The following KIF3A variants were observed in gnomAD, a reference collection of about 807,000 sequenced individuals.
KIF3A encodes kinesin family member 3A, also known as kinesin-like protein KIF3A.
A neutral mutation model predicts 92.6 loss-of-function variants in KIF3A; 27 were observed. The observed-to-expected ratio is 0.29, with a 90% CI of 0.21 to 0.40. The LOEUF (loss-of-function observed/expected upper bound fraction) is 0.40. KIF3A is among the 10% of genes least tolerant of loss of function. The probability of loss-of-function intolerance (pLI) is 1.00; values close to 1 mark genes in which losing one functional copy is unlikely to be tolerated. For missense variants in KIF3A, 581 were observed against 872.6 expected (o/e 0.67, Z 4.21); for synonymous variants, 250 against 275.4 (o/e 0.91, Z 0.92).
At chr5:132,706,390 A>C (rs1753211077) in intron 11 of KIF3A, 61 bp downstream of exon 11, 1 of 1,260,764 alleles carries the variant, frequency 7.9e-7, no homozygotes, top group Non-Finnish European at 1.1e-6. Context: ...GTATTTAAAT[A>C]ACATAGTTCT....
intron 12 of KIF3A, 97 bp downstream of exon 12, chr5:132,703,366 C>G (rs1433120711): frequency 1.1e-5 from 12 of 1,082,494 alleles, no homozygotes; most frequent in Non-Finnish European, 1.6e-5. Flanking sequence ...AGACAAAAAT[C>G]CAAGCTTTTA....
chr5:132,718,708 C>T (rs28378974), intron 5 of KIF3A, among the ~76,000 whole-genome samples: 3,845 of 152,224 alleles, frequency 0.025, 154 homozygotes, highest in African/African-American at 0.088. Context: ...CTCACTGCAA[C>T]CTCTGCCTCC....
chr5:132,700,996 T>G (rs543881319), intron 15 of KIF3A, among the ~76,000 whole-genome samples: 1 of 152,072 alleles, frequency 6.6e-6, no homozygotes, highest in African/African-American at 2.4e-5. Context: ...TGGTTAGAAG[T>G]AGTTATTATC....
intron 15 of KIF3A, among the ~76,000 whole-genome samples, chr5:132,701,067 C>T (rs1753019167): frequency 6.6e-6 from 1 of 151,570 alleles, no homozygotes; most frequent in African/African-American, 2.4e-5. Context: ...TAAAAGCAGG[C>T]CATCCAAGGA....
chr5:132,703,429 A>T (rs1753109932), intron 12 of KIF3A, 34 bp downstream of exon 12: 1 of 1,530,458 alleles, frequency 6.5e-7, no homozygotes, highest in South Asian at 1.2e-5. Flanking sequence ...CAGAAATTTA[A>T]ATCATGAATT....
At chr5:132,698,305 T>A (rs1752906466) in intron 18 of KIF3A, among the ~76,000 whole-genome samples, 1 of 151,970 alleles carries the variant, frequency 6.6e-6, no homozygotes, top group Non-Finnish European at 1.5e-5. Flanking sequence ...GAACAGTCCT[T>A]GATGTAGGAA....
chr5:132,715,797 G>A lies in KIF3A; in HGVS notation c.1089C>T (p.Phe363=), dbSNP rs757441407. ...EDPKDALLRQ[F]QKEIEELKKK... Reference sequence around the variant, plus strand: ...TTTTCAGTTCTTCTATTTCTTTCTGGAACTGACGCAGCAAAGCATCCTTTG... The same window carrying A: ...TTTTCAGTTCTTCTATTTCTTTCTGAAACTGACGCAGCAAAGCATCCTTTG... The change falls in exon 8 of 19, where the codon TTC becomes TTT. Residue 363 remains phenylalanine, a synonymous_variant. Coordinates refer to ENST00000403231, the MANE Select transcript of KIF3A (RefSeq NM_001300791.2). 3.1e-6 allele frequency: 5 copies of A among 1,609,888 alleles called. No individual in the cohort carries two copies. In the South Asian group the frequency reaches 5.6e-5, roughly 18 times the overall value.
At chr5:132,711,794 A>G (rs894807223) in intron 8 of KIF3A, among the ~76,000 whole-genome samples, 1 of 152,192 alleles carries the variant, frequency 6.6e-6, no homozygotes, top group Non-Finnish European at 1.5e-5. Flanking sequence ...GTCATGTAAC[A>G]ATGATCCCAC....
chr5:132,706,062 T>C (rs2149897722), intron 11 of KIF3A, among the ~76,000 whole-genome samples: 4 of 152,176 alleles, frequency 2.6e-5, no homozygotes, highest in Admixed American at 2.6e-4. Flanking sequence ...CTCTAACCAA[T>C]ATTGTGAACG....
chr5:132,737,361 G>A (rs1305515525), intron 1 of KIF3A, 53 bp downstream of exon 1: 2 of 1,579,326 alleles, frequency 1.3e-6, no homozygotes, highest in Non-Finnish European at 1.7e-6. Flanking sequence ...CGCGCCCCCG[G>A]GCCAGGCCGC....
intron 10 of KIF3A, among the ~76,000 whole-genome samples, chr5:132,708,572 G>A (rs1753305777): frequency 4.6e-5 from 7 of 152,126 alleles, no homozygotes; most frequent in Admixed American, 4.6e-4. Flanking sequence ...CCCTTATTCT[G>A]AGCAGGATTA....
intron 8 of KIF3A, among the ~76,000 whole-genome samples, chr5:132,711,850 T>C (rs1753438245): frequency 6.6e-6 from 1 of 152,170 alleles, no homozygotes; most frequent in Non-Finnish European, 1.5e-5. Context: ...GAAGTGCTTA[T>C]TTGTACAAAG....
rs767788092 is a variant in KIF3A at position 132,726,485 on chromosome 5, T to G, written c.294A>C (p.Ala98=). The change falls in exon 3 of 19, where the codon GCA becomes GCC. Residue 98 remains alanine, a synonymous_variant. Coordinates refer to ENST00000403231, the MANE Select transcript of KIF3A (RefSeq NM_001300791.2). ...VLEGYNGTIF[A]YGQTGTGKTF... ...TTTTGCCTGTTCCGGTTTGTCCATA[T>G]GCAAAAATAGTCCCTGAAAATGATG... The G allele has an allele frequency of 1.9e-6, 3 of 1,613,392 alleles. No homozygotes were observed. The South Asian group carries it at 3.3e-5, about 18-fold the overall frequency.
chr5:132,716,463 A>C, intron 6 of KIF3A, 21 bp from the exon 7 acceptor site: 2 of 1,574,248 alleles, frequency 1.3e-6, no homozygotes, highest in Non-Finnish European at 1.7e-6. Flanking sequence ...ACAGAGATGA[A>C]AGTAAAGCTA....
At chr5:132,718,456 C>T (rs1269207709) in intron 5 of KIF3A, among the ~76,000 whole-genome samples, 4 of 151,828 alleles carry the variant, frequency 2.6e-5, no homozygotes, top group East Asian at 1.9e-4. Context: ...ATCACAGGTG[C>T]GCACCACCAC....
intron 4 of KIF3A, among the ~76,000 whole-genome samples, chr5:132,724,806 A>AAAAAAAATTATATAT (rs59476182): frequency 4.8e-4 from 11 of 22,694 alleles, no homozygotes; most frequent in South Asian, 1.5e-3. Flanking sequence ...AAAAAAAAAA[A>AAAAAAAATTATATAT]ATATATATAT....
chr5:132,721,631 A>G (rs1011362060), intron 4 of KIF3A: 1 of 152,152 alleles, frequency 6.6e-6, no homozygotes, highest in Non-Finnish European at 1.5e-5. Flanking sequence ...TGCGCCTTTT[A>G]TAACAATTGA....
intron 2 of KIF3A, among the ~76,000 whole-genome samples, chr5:132,731,801 C>G (rs1003020227): frequency 6.6e-6 from 1 of 152,016 alleles, no homozygotes; most frequent in Non-Finnish European, 1.5e-5. Context: ...ACCTCCGCCT[C>G]CGAGGTTCAG....
chr5:132,727,638 G>A (rs1314898873), intron 2 of KIF3A, among the ~76,000 whole-genome samples: 5 of 152,176 alleles, frequency 3.3e-5, no homozygotes, highest in South Asian at 4.2e-4. Flanking sequence ...TAATAAGGAC[G>A]GTATTAAACT....
Sources: gnomAD v4.1 joint callset for allele counts (sites outside exome capture counted in the v4.1 genomes callset) on GRCh38, gnomAD v4.1.1 for gene constraint, MANE v1.5 for transcripts, NCBI Gene and HGNC (gene_info 2026-07-23, HGNC 2026-07-21) for gene names.